The following NFKB1 variants were observed in gnomAD, a reference collection of about 807,000 sequenced individuals.
The protein encoded by NFKB1 is nuclear factor NF-kappa-B p105 subunit.
NFKB1 carries 9 observed loss-of-function variants against 105.1 expected under a neutral mutation model. That is an observed-to-expected ratio of 0.09 (90% CI 0.05 to 0.15). NFKB1 has a LOEUF of 0.15. Among genes scored for constraint, NFKB1 ranks in the 10% least tolerant of loss-of-function variants. The pLI, the probability that NFKB1 is intolerant of heterozygous loss-of-function variation, is 1.00. For synonymous variants in NFKB1, 440 were observed against 442.2 expected, an observed-to-expected ratio of 1.00 and a Z score of 0.06; for missense variants, 830 against 1,203.7, an observed-to-expected ratio of 0.69 and a Z score of 4.59.
chr4:102,586,355 G>C (rs1725712591), intron 11 of NFKB1, among the ~76,000 whole-genome samples: 1 of 152,140 alleles, frequency 6.6e-6, no homozygotes, highest in Non-Finnish European at 1.5e-5. Context: ...AAGTAGATTT[G>C]GGTGGGAAAA....
chr4:102,511,694 GA>G (rs1739792938), intron 1 of NFKB1, among the ~76,000 whole-genome samples: 1 of 152,046 alleles, frequency 6.6e-6, no homozygotes, highest in Non-Finnish European at 1.5e-5. Context: ...AAAAAAAATA[GA>G]AAGAGAAACT....
intron 7 of NFKB1, chr4:102,578,263 A>T (rs1490065125): frequency 6.6e-6 from 1 of 152,342 alleles, no homozygotes; most frequent in Non-Finnish European, 1.5e-5. Flanking sequence ...GAAATCCCAC[A>T]TCACTTCATT....
intron 11 of NFKB1, among the ~76,000 whole-genome samples, chr4:102,591,027 G>C (rs1726124690): frequency 6.6e-6 from 1 of 152,034 alleles, no homozygotes; most frequent in African/African-American, 2.4e-5. Flanking sequence ...GGAGGCTGCA[G>C]AAAAAAAGTT....
intron 5 of NFKB1, among the ~76,000 whole-genome samples, chr4:102,553,748 C>G (rs1236931819): frequency 6.6e-6 from 1 of 152,126 alleles, no homozygotes; most frequent in Non-Finnish European, 1.5e-5. Context: ...AGGGCAGGGC[C>G]CTCCTTGGAT....
chr4:102,593,226 C>T (rs183139065), intron 11 of NFKB1, 199 bp from the exon 12 acceptor site: 2 of 498,206 alleles, frequency 4.0e-6, no homozygotes, highest in East Asian at 6.6e-5. Context: ...TCTGTGGTCT[C>T]TCTGGAGCTA....
chr4:102,537,188 A>G (rs1741699701), intron 4 of NFKB1, among the ~76,000 whole-genome samples: 2 of 152,196 alleles, frequency 1.3e-5, no homozygotes, highest in South Asian at 2.1e-4. Flanking sequence ...AACTATATCT[A>G]TAAAATTTCT....
chr4:102,610,357 A>G (rs1728279425), intron 19 of NFKB1, among the ~76,000 whole-genome samples: 1 of 152,234 alleles, frequency 6.6e-6, no homozygotes, highest in South Asian at 2.1e-4. Context: ...ATCTTTGGCT[A>G]TTTCAGGTGT....
intron 5 of NFKB1, among the ~76,000 whole-genome samples, chr4:102,550,355 C>T (rs1289017738): frequency 6.6e-6 from 1 of 152,068 alleles, no homozygotes; most frequent in Non-Finnish European, 1.5e-5. Flanking sequence ...GTCCTAGTTC[C>T]TTTTAGCAGG....
At chr4:102,602,686 T>C (rs1727289526) in intron 16 of NFKB1, among the ~76,000 whole-genome samples, 1 of 152,218 alleles carries the variant, frequency 6.6e-6, no homozygotes, top group African/African-American at 2.4e-5. Flanking sequence ...TCATTCAATA[T>C]AAGTCACCAT....
chr4:102,602,516 G>T (rs1396601804), intron 16 of NFKB1, among the ~76,000 whole-genome samples: 1 of 151,232 alleles, frequency 6.6e-6, no homozygotes, highest in South Asian at 2.1e-4. Flanking sequence ...TCCAGCCTGG[G>T]TGACAGAGTG....
chr4:102,597,895 C>T (rs1726771927), intron 15 of NFKB1, among the ~76,000 whole-genome samples: 1 of 152,190 alleles, frequency 6.6e-6, no homozygotes, highest in South Asian at 2.1e-4. Flanking sequence ...AAGAGTGAAT[C>T]TCTCTGGGCA....
At chr4:102,546,598 A>G (rs1333084292) in intron 5 of NFKB1, among the ~76,000 whole-genome samples, 1 of 152,140 alleles carries the variant, frequency 6.6e-6, no homozygotes, top group Admixed American at 6.6e-5. Context: ...GGGAAAACAC[A>G]ATAGGATATG....
chr4:102,519,905 G>A (rs1740454628), intron 1 of NFKB1, among the ~76,000 whole-genome samples: 1 of 152,212 alleles, frequency 6.6e-6, no homozygotes, highest in South Asian at 2.1e-4. Context: ...CTTTACCCAT[G>A]AGGTAGTCAG....
intron 23 of NFKB1, 119 bp downstream of exon 23, chr4:102,613,700 G>A: frequency 2.5e-6 from 3 of 1,196,350 alleles, no homozygotes; most frequent in East Asian, 5.1e-5. Context: ...ACACTTCCCT[G>A]TGTGTCTCTC....
chr4:102,601,969 G>GCATCTTCCTCAT (rs563075661), intron 16 of NFKB1, among the ~76,000 whole-genome samples: 4 of 152,180 alleles, frequency 2.6e-5, no homozygotes, highest in Admixed American at 2.6e-4. Context: ...TCGACCCGAA[G>GCATCTTCCTCAT]CATCTTCCTC....
At chr4:102,540,767 G>A (rs1741947343) in intron 5 of NFKB1, among the ~76,000 whole-genome samples, 1 of 152,012 alleles carries the variant, frequency 6.6e-6, no homozygotes, top group Non-Finnish European at 1.5e-5. Flanking sequence ...GAGAAAGAAA[G>A]AGACAACGGC....
chr4:102,576,551 C>T (rs1261616403), intron 6 of NFKB1, among the ~76,000 whole-genome samples: 1 of 152,110 alleles, frequency 6.6e-6, no homozygotes, highest in African/African-American at 2.4e-5. Context: ...CCAATCTGAC[C>T]TGATGTGTAG....
At chr4:102,514,245 A>C (rs1230946851) in intron 1 of NFKB1, among the ~76,000 whole-genome samples, 1 of 152,078 alleles carries the variant, frequency 6.6e-6, no homozygotes, top group Non-Finnish European at 1.5e-5. Context: ...TTGTAGACAC[A>C]CTAGGTTCTT....
At chr4:102,601,045 A>T (rs1334122374) in intron 16 of NFKB1, 36 bp downstream of exon 16, 1 of 1,290,196 alleles carries the variant, frequency 7.8e-7, no homozygotes, top group Non-Finnish European at 1.1e-6. Context: ...CTGAAGAAAA[A>T]TCTGTAGTTT....
Sources: allele counts gnomAD v4.1 joint callset (sites outside exome capture counted in the v4.1 genomes callset), GRCh38; gene constraint gnomAD v4.1.1; transcripts MANE v1.5; gene names NCBI Gene and HGNC (gene_info 2026-07-23, HGNC 2026-07-21).